Variants in GDPD4 observed in about 807,000 individuals in gnomAD.
The protein encoded by GDPD4 is glycerophosphodiester phosphodiesterase 6.
In GDPD4, 60 loss-of-function variants were observed where a neutral mutation model predicts 67.8. The observed-to-expected ratio is 0.88, with a 90% CI of 0.72 to 1.10. The LOEUF (loss-of-function observed/expected upper bound fraction) is 1.10. Among genes scored for constraint, GDPD4 ranks in the 50% least tolerant of loss-of-function variants. GDPD4 has a pLI of 0.00. For synonymous variants in GDPD4, 212 were observed against 210.9 expected, an observed-to-expected ratio of 1.00 and a Z score of -0.04; for missense variants, 623 against 613.9, an observed-to-expected ratio of 1.01 and a Z score of -0.16.
Position 77,235,274 on chromosome 11 carries a change from C to G in GDPD4, c.1242-2102G>C, listed in dbSNP as rs184160951. 8.5e-3 allele frequency among the ~76,000 whole-genome samples: 1,291 copies of G among 151,992 alleles called. 28 individuals carry two copies. Among genetic ancestry groups the G allele is most frequent in the African/African-American group, 0.03 (1,230 of 41,482 alleles). ...TGTAGTAAAGATGTCAGTTCTCCCTCAAATAGATCTGTAAGTTTGATGCAG... is the reference window on the plus strand; with the variant it reads ...TGTAGTAAAGATGTCAGTTCTCCCTGAAATAGATCTGTAAGTTTGATGCAG... On this transcript the variant is annotated intron_variant, in intron 13 of 16. Transcript: ENST00000315938.
intron 11 of GDPD4, among the ~76,000 whole-genome samples, chr11:77,253,602 G>T (rs1591549602): frequency 6.6e-6 from 1 of 152,094 alleles, no homozygotes; most frequent in Non-Finnish European, 1.5e-5. Context: ...TGGGATGAAG[G>T]GTACTATGTT....
Position 77,217,294 on chromosome 11 carries a change from T to TCTTA in GDPD4, c.1542_1545dup (p.Asn516Ter). ...CTATCTATCTATCTATCTTCCTCAT[T>TCTTA]CTTACTTCCACTCTGAGTATCTGTG... is the stretch of plus-strand genomic sequence containing the variant. On this transcript the variant is annotated stop_gained and frameshift_variant, in exon 17 of 17. Coordinates refer to ENST00000315938, the MANE Select transcript of GDPD4 (RefSeq NM_182833.3). LOFTEE classifies it low-confidence loss of function (END_TRUNC). The TCTTA allele has an allele frequency of 6.2e-7, 1 of 1,608,040 alleles. No homozygotes were observed. The highest frequency in any genetic ancestry group is 8.5e-7 in the Non-Finnish European group (1 of 1,174,490).
At chr11:77,277,664 G>C (rs560719873) in intron 4 of GDPD4, among the ~76,000 whole-genome samples, 4 of 151,562 alleles carry the variant, frequency 2.6e-5, no homozygotes, top group Admixed American at 2.6e-4. Flanking sequence ...TCTTGCTAGC[G>C]GTCTATCAAT....
At chr11:77,221,934 T>A (rs1455634933) in intron 16 of GDPD4, among the ~76,000 whole-genome samples, 1 of 152,194 alleles carries the variant, frequency 6.6e-6, no homozygotes, top group Non-Finnish European at 1.5e-5. Flanking sequence ...GGTGCATATA[T>A]ATTTAGGATA....
intron 1 of GDPD4, among the ~76,000 whole-genome samples, chr11:77,289,742 A>C (rs571956006): frequency 1.6e-4 from 23 of 147,574 alleles, no homozygotes; most frequent in Admixed American, 2.7e-4. Flanking sequence ...AAAAAGAAGG[A>C]AGGCAGGCAG....
chr11:77,254,618 C>G (rs984060747), intron 11 of GDPD4, among the ~76,000 whole-genome samples: 2 of 152,076 alleles, frequency 1.3e-5, no homozygotes, highest in African/African-American at 2.4e-5. Context: ...AACTATGTAT[C>G]TGCATGAAAA....
At chr11:77,292,923 TTATC>T (rs1164145363) in intron 1 of GDPD4, among the ~76,000 whole-genome samples, 2 of 152,086 alleles carry the variant, frequency 1.3e-5, no homozygotes, top group Non-Finnish European at 2.9e-5. Context: ...GAATAGCCCT[TTATC>T]TATCAAGTAA....
At chr11:77,271,537 C>A in intron 5 of GDPD4, 144 bp from the exon 6 acceptor site, 2 of 615,288 alleles carry the variant, frequency 3.3e-6, no homozygotes, top group South Asian at 4.0e-5. Flanking sequence ...AGAGAAAGAT[C>A]TTGTTTTTCC....
At chr11:77,260,550 G>T (rs1012516581) in intron 10 of GDPD4, among the ~76,000 whole-genome samples, 1 of 151,912 alleles carries the variant, frequency 6.6e-6, no homozygotes, top group Non-Finnish European at 1.5e-5. Context: ...TAAACAAGCA[G>T]GAAAATGTGA....
At chr11:77,297,850 G>A (rs1938028447) in intron 1 of GDPD4, among the ~76,000 whole-genome samples, 1 of 152,054 alleles carries the variant, frequency 6.6e-6, no homozygotes, top group Non-Finnish European at 1.5e-5. Flanking sequence ...ATGCGTCAAG[G>A]GCAAAGTGAT....
intron 10 of GDPD4, among the ~76,000 whole-genome samples, chr11:77,260,729 C>T (rs184775391): frequency 2.5e-4 from 38 of 151,998 alleles, no homozygotes; most frequent in African/African-American, 5.3e-4. Flanking sequence ...GTATAAAAAA[C>T]GGAAATTTAG....
chr11:77,273,135 A>C (rs1959295334), intron 5 of GDPD4, among the ~76,000 whole-genome samples: 1 of 152,168 alleles, frequency 6.6e-6, no homozygotes, highest in Non-Finnish European at 1.5e-5. Context: ...GTTTACCAGG[A>C]GGTCAGGTTA....
At chr11:77,235,131 GT>G (rs2135833735) in intron 13 of GDPD4, among the ~76,000 whole-genome samples, 1 of 142,984 alleles carries the variant, frequency 7.0e-6, no homozygotes, top group East Asian at 2.3e-4. Context: ...TGCTGAGGAT[GT>G]TTTCATATGT....
intron 1 of GDPD4, among the ~76,000 whole-genome samples, chr11:77,296,260 A>G (rs1243122954): frequency 2.6e-5 from 4 of 151,284 alleles, no homozygotes; most frequent in African/African-American, 7.3e-5. Flanking sequence ...CAAAAAAAAA[A>G]AAAAAAAAAG....
chr11:77,245,327 C>G lies in GDPD4; in HGVS notation c.1040G>C (p.Arg347Pro), dbSNP rs151233592. 2.5e-6 allele frequency: 4 copies of G among 1,613,956 alleles called. No individual in the cohort carries two copies. Among genetic ancestry groups the G allele is most frequent in the African/African-American group, 2.7e-5 (2 of 74,892 alleles). ...GGCAAGGATCACGCTTACTACTTGGCGGACAAATGTGTGTCTGAGAGGATG... is the reference window on the plus strand; with the variant it reads ...GGCAAGGATCACGCTTACTACTTGGGGGACAAATGTGTGTCTGAGAGGATG... ...PKHPLRHTFV[R>P]QVVSVILASK... Residue 347 changes from arginine to proline, a missense_variant, in exon 12 of 17, where the codon CGC becomes CCC. By Grantham distance (103) the Arg-to-Pro change is moderately radical (BLOSUM62 -2). Transcript: ENST00000315938.
intron 10 of GDPD4, among the ~76,000 whole-genome samples, chr11:77,265,434 T>C (rs1311456212): frequency 1.3e-5 from 2 of 152,156 alleles, no homozygotes; most frequent in Admixed American, 6.5e-5. Context: ...ACTTTATCTA[T>C]ATCTTTTCTT....
At position 77,217,198 on chromosome 11, in the gene GDPD4, C is replaced by A; in HGVS notation, c.*79G>T. ...GTTCCTTTCCACTCTTGGGTAGAGC[C>A]GGGTAGAGGGCTGCTAGAGTCCAAG... On this transcript the variant is annotated 3_prime_UTR_variant, in exon 17 of 17. Coordinates refer to ENST00000315938, the MANE Select transcript of GDPD4 (RefSeq NM_182833.3). 3 of 1,066,882 alleles carry A rather than the reference C, an allele frequency of 2.8e-6. No homozygotes were observed. The highest frequency in any genetic ancestry group is 4.4e-6 in the Non-Finnish European group (3 of 680,142). The allele number at this position is 1,066,882 out of a possible 1,614,324, so 66.1% of individuals were successfully genotyped here. A position where few individuals can be genotyped will look rare whatever the true frequency, so the allele number is the denominator to read the frequency against.
chr11:77,281,502 G>GT, intron 3 of GDPD4, among the ~76,000 whole-genome samples: 1 of 152,280 alleles, frequency 6.6e-6, no homozygotes, highest in Admixed American at 6.5e-5. Flanking sequence ...TAGACAAAAT[G>GT]TTTTGAAAAA....
At chr11:77,298,161 C>A (rs1938040222) in intron 1 of GDPD4, among the ~76,000 whole-genome samples, 1 of 151,838 alleles carries the variant, frequency 6.6e-6, no homozygotes, top group Non-Finnish European at 1.5e-5. Flanking sequence ...AGAAAAGGAA[C>A]TGGGCACATA....
Sources: gnomAD v4.1 joint callset for allele counts (sites outside exome capture counted in the v4.1 genomes callset) on GRCh38, gnomAD v4.1.1 for gene constraint, MANE v1.5 for transcripts, NCBI Gene and HGNC (gene_info 2026-07-23, HGNC 2026-07-21) for gene names.